Variants in TMC7 observed in about 807,000 individuals in gnomAD.
The protein encoded by TMC7 is transmembrane channel-like protein 7.
TMC7 carries 54 observed loss-of-function variants against 82.9 expected under a neutral mutation model. The observed-to-expected ratio is 0.65, with a 90% CI of 0.52 to 0.82. The LOEUF is 0.82. Among genes scored for constraint, TMC7 ranks in the 40% least tolerant of loss-of-function variants. The pLI is 0.00. For missense variants in TMC7, 820 were observed against 901.2 expected (o/e 0.91, Z 1.15); for synonymous variants, 350 against 337.9 (o/e 1.04, Z -0.39).
chr16:19,017,912 C>T (rs540302357), intron 3 of TMC7, among the ~76,000 whole-genome samples: 59 of 152,254 alleles, frequency 3.9e-4, no homozygotes, highest in Non-Finnish European at 6.0e-4. Flanking sequence ...CCTCGTCATC[C>T]GCCCTTCTCG....
At chr16:18,991,087 C>G (rs1183593837) in intron 1 of TMC7, among the ~76,000 whole-genome samples, 1 of 152,106 alleles carries the variant, frequency 6.6e-6, no homozygotes, top group African/African-American at 2.4e-5. Context: ...GGTGATGTTT[C>G]TCAGGGCTGC....
At chr16:19,031,877 G>A (rs111645930) in intron 6 of TMC7, among the ~76,000 whole-genome samples, 25 of 152,232 alleles carry the variant, frequency 1.6e-4, no homozygotes, top group Admixed American at 6.5e-4. Context: ...AGAACCATGC[G>A]GATGGTATTT....
At chr16:19,042,515 T>TC (rs1567523990) in intron 9 of TMC7, among the ~76,000 whole-genome samples, 1 of 150,762 alleles carries the variant, frequency 6.6e-6, no homozygotes, top group Non-Finnish European at 1.5e-5. Context: ...TTTTTTTTTT[T>TC]TCTTTTTTTT....
At chr16:19,000,561 A>G (rs1490770927) in intron 1 of TMC7, among the ~76,000 whole-genome samples, 2 of 152,224 alleles carry the variant, frequency 1.3e-5, no homozygotes, top group Admixed American at 6.5e-5. Flanking sequence ...CTTATCGGTA[A>G]TATCAAATTG....
chr16:19,000,965 A>G (rs1275557061), intron 1 of TMC7, among the ~76,000 whole-genome samples: 1 of 152,116 alleles, frequency 6.6e-6, no homozygotes, highest in Non-Finnish European at 1.5e-5. Flanking sequence ...GTGAGTGGAA[A>G]TGGCACCACT....
intron 4 of TMC7, among the ~76,000 whole-genome samples, 190 bp from the exon 5 acceptor site, chr16:19,022,923 G>C (rs1015803755): frequency 7.9e-5 from 12 of 152,164 alleles, no homozygotes; most frequent in African/African-American, 1.9e-4. Context: ...GGGAGGTTGA[G>C]GCAGGAGAAT....
intron 6 of TMC7, among the ~76,000 whole-genome samples, chr16:19,034,602 ATAAATAAATAAG>A (rs1338371521): frequency 7.0e-6 from 1 of 143,326 alleles, no homozygotes; most frequent in African/African-American, 2.6e-5. Flanking sequence ...CATCTCAAAA[ATAAATAAATAAG>A]TAAATAAATA....
intron 3 of TMC7, among the ~76,000 whole-genome samples, chr16:19,016,949 G>T (rs1307651990): frequency 1.3e-5 from 2 of 152,154 alleles, no homozygotes; most frequent in East Asian, 3.8e-4. Context: ...AATTTGGGAG[G>T]CCAAGGTGGG....
intron 1 of TMC7, among the ~76,000 whole-genome samples, chr16:19,006,399 G>A (rs2039241865): frequency 6.6e-6 from 1 of 152,150 alleles, no homozygotes; most frequent in East Asian, 1.9e-4. Flanking sequence ...GGTCAGGCTG[G>A]TCTTGGACTC....
intron 1 of TMC7, among the ~76,000 whole-genome samples, chr16:18,988,154 T>C (rs905848126): frequency 8.8e-5 from 13 of 147,674 alleles, no homozygotes; most frequent in Admixed American, 5.4e-4. Flanking sequence ...TCTTCTCTCT[T>C]TCTTTTTTTT....
intron 9 of TMC7, among the ~76,000 whole-genome samples, 189 bp from the exon 10 acceptor site, chr16:19,044,695 G>A (rs1192353615): frequency 2.7e-5 from 4 of 149,514 alleles, no homozygotes. Flanking sequence ...CCCGCTACTT[G>A]GGAGGCTGAG....
In TMC7 at chr16:19,059,505, A is replaced by C. The variant is rs1283365052; in HGVS notation, c.2106+11A>C. The stretch of plus-strand genomic sequence containing the variant: ...GAGCAGCTATCCCTGGTAAGGAAGC[A>C]TAGCTCCAGAGGGTCATGGCTGGGG... On this transcript the variant is annotated intron_variant, in intron 15 of 15. Coordinates refer to ENST00000304381, the MANE Select transcript of TMC7 (RefSeq NM_024847.4). The C allele has an allele frequency of 2.5e-6, 4 of 1,614,032 alleles. No homozygotes were observed. Among genetic ancestry groups the C allele is most frequent in the African/African-American group, 2.7e-5 (2 of 74,930 alleles).
chr16:19,032,547 TAAA>T (rs199666328), intron 6 of TMC7, among the ~76,000 whole-genome samples: 82 of 132,518 alleles, frequency 6.2e-4, no homozygotes, highest in Non-Finnish European at 6.4e-4. Context: ...TTGTAAATGA[TAAA>T]AAAAAAAAAA....
chr16:19,009,194 T>A lies in TMC7; in HGVS notation c.90T>A (p.Ser30Arg). 1.2e-6 allele frequency: 2 copies of A among 1,614,172 alleles called. No homozygotes were observed. The highest frequency in any genetic ancestry group is 1.7e-6 in the Non-Finnish European group (2 of 1,180,016). ...VHPENLSLDS[S>R]CFSSPPVNFL... ...TAGAGAACCTCTCTCTAGACTCCAG[T>A]TGCTTCTCTTCTCCACCTGTGAACT... Residue 30 changes from serine to arginine, a missense_variant, in exon 2 of 16, where the codon AGT (serine) becomes AGA (arginine). By Grantham distance (110) the Ser-to-Arg change is moderately radical. Around this residue, in one of 2 missense-constraint regions of TMC7, gnomAD observed 650 missense variants for 669.9 expected, o/e 0.97. Transcript: ENST00000304381.
At chr16:18,995,066 A>T (rs1376283096) in intron 1 of TMC7, among the ~76,000 whole-genome samples, 1 of 152,150 alleles carries the variant, frequency 6.6e-6, no homozygotes, top group Non-Finnish European at 1.5e-5. Flanking sequence ...GTAGCCCAGG[A>T]ATAGTCAGAG....
intron 13 of TMC7, among the ~76,000 whole-genome samples, chr16:19,055,000 G>A (rs951860117): frequency 6.6e-6 from 1 of 151,898 alleles, no homozygotes; most frequent in African/African-American, 2.4e-5. Flanking sequence ...CATCTGCCTC[G>A]GCCTCCCAAA....
chr16:18,993,176 A>T (rs373974450), intron 1 of TMC7, among the ~76,000 whole-genome samples: 2 of 152,282 alleles, frequency 1.3e-5, no homozygotes, highest in East Asian at 1.9e-4. Context: ...GGGAATGAGA[A>T]CAAGAGTGAG....
chr16:19,043,419 A>T (rs1239654886), intron 9 of TMC7, among the ~76,000 whole-genome samples: 1 of 146,562 alleles, frequency 6.8e-6, no homozygotes, highest in Non-Finnish European at 1.5e-5. Context: ...TGTAACATAG[A>T]AGTTGCCATT....
chr16:19,046,112 A>G (rs1412137310), intron 11 of TMC7, among the ~76,000 whole-genome samples: 6 of 152,140 alleles, frequency 3.9e-5, no homozygotes, highest in African/African-American at 1.4e-4. Context: ...AAGAGCAGAA[A>G]TGGGGTCGCT....
Sources: gnomAD v4.1 joint callset for allele counts (sites outside exome capture counted in the v4.1 genomes callset) on GRCh38, gnomAD v4.1.1 for gene constraint, gnomAD v4.1.1 regional missense constraint, MANE v1.5 for transcripts, NCBI Gene and HGNC (gene_info 2026-07-23, HGNC 2026-07-21) for gene names.